CTNNA3: variants seen among roughly 807,000 people sequenced by gnomAD.
CTNNA3 encodes the protein catenin alpha-3.
In CTNNA3, 76 loss-of-function variants were observed where a neutral mutation model predicts 95.7. The ratio of observed to expected loss-of-function variants is 0.79; its 90% CI spans 0.66 to 0.96. CTNNA3 has a LOEUF of 0.96. CTNNA3 is among the 40% of genes least tolerant of loss of function. The probability of loss-of-function intolerance (pLI) is 0.00; values close to 1 mark genes in which losing one functional copy is unlikely to be tolerated. For synonymous variants in CTNNA3, 431 were observed against 374.4 expected (o/e 1.15, Z -1.74); for missense variants, 1,191 against 1,089.8 (o/e 1.09, Z -1.31).
intron 1 of CTNNA3, among the ~76,000 whole-genome samples, chr10:67,743,151 A>T (rs1006513234): frequency 1.3e-5 from 2 of 151,164 alleles, no homozygotes; most frequent in South Asian, 2.1e-4. Flanking sequence ...AACTCATTTT[A>T]TGAGGCCAGC....
intron 7 of CTNNA3, among the ~76,000 whole-genome samples, chr10:66,867,803 T>TA (rs1224557113): frequency 6.6e-6 from 1 of 151,310 alleles, no homozygotes; most frequent in African/African-American, 2.4e-5. Flanking sequence ...GATACACATT[T>TA]ACATTTAAAA....
chr10:67,671,203 C>T (rs1413696209), intron 1 of CTNNA3, among the ~76,000 whole-genome samples: 2 of 152,096 alleles, frequency 1.3e-5, no homozygotes, highest in African/African-American at 4.8e-5. Context: ...ATCAAAAGGA[C>T]ATCAGCATCC....
chr10:67,025,237 A>G (rs554220557), intron 7 of CTNNA3, among the ~76,000 whole-genome samples: 1 of 152,090 alleles, frequency 6.6e-6, no homozygotes, highest in South Asian at 2.1e-4. Context: ...CACTGAAAGT[A>G]ATTACCAAAG....
At chr10:67,518,018 T>C (rs1000186144) in intron 5 of CTNNA3, among the ~76,000 whole-genome samples, 4 of 152,188 alleles carry the variant, frequency 2.6e-5, no homozygotes, top group African/African-American at 9.6e-5. Flanking sequence ...TTAAGTCCTT[T>C]ATACATATTT....
At position 66,329,619 on chromosome 10, in the gene CTNNA3, A is replaced by G. The variant is rs371554502; in HGVS notation, c.1733-48998T>C. Among the ~76,000 whole-genome samples the G allele has an allele frequency of 4.5e-4, 68 of 152,152 alleles. 1 individual carries two copies. The South Asian group carries it at 0.014, about 31-fold the overall frequency. On this transcript the variant is annotated intron_variant, in intron 12 of 17. Coordinates refer to ENST00000433211, the MANE Select transcript of CTNNA3 (RefSeq NM_013266.4). ...TACTACAAAAGTACTATCGTATGTC[A>G]AAATAAAATGAAAGAATGAACGAAC...
chr10:66,742,660 C>T (rs905717153), intron 9 of CTNNA3, among the ~76,000 whole-genome samples: 6 of 152,184 alleles, frequency 3.9e-5, no homozygotes, highest in African/African-American at 1.4e-4. Flanking sequence ...CTTTATTTCT[C>T]AGACCGGCTG....
intron 5 of CTNNA3, among the ~76,000 whole-genome samples, chr10:67,520,513 G>C (rs904852599): frequency 2.6e-5 from 4 of 152,288 alleles, no homozygotes; most frequent in Non-Finnish European, 4.4e-5. Flanking sequence ...AGTGACTCTG[G>C]TGTGAACGCT....
At chr10:67,594,861 G>GT (rs1442322666) in intron 3 of CTNNA3, among the ~76,000 whole-genome samples, 3 of 152,038 alleles carry the variant, frequency 2.0e-5, no homozygotes, top group Non-Finnish European at 4.4e-5. Context: ...CCAGTTTGTA[G>GT]TTTTTTATCC....
At chr10:67,108,075 T>C (rs1056133459) in intron 7 of CTNNA3, among the ~76,000 whole-genome samples, 1 of 152,192 alleles carries the variant, frequency 6.6e-6, no homozygotes, top group South Asian at 2.1e-4. Context: ...CCTGCAACAA[T>C]AGCAAACAGA....
At chr10:67,741,687 C>T (rs1441047964) in intron 1 of CTNNA3, among the ~76,000 whole-genome samples, 5 of 151,118 alleles carry the variant, frequency 3.3e-5, no homozygotes, top group Admixed American at 6.6e-5. Flanking sequence ...GGGCTAAATG[C>T]TCCAATTAAA....
intron 1 of CTNNA3, among the ~76,000 whole-genome samples, chr10:67,690,764 G>T (rs1274119911): frequency 1.3e-5 from 2 of 152,144 alleles, no homozygotes; most frequent in Non-Finnish European, 2.9e-5. Flanking sequence ...CTTAAGCAAC[G>T]CTACTCAAAC....
chr10:66,844,091 T>C (rs1843165781), intron 7 of CTNNA3, among the ~76,000 whole-genome samples: 1 of 152,206 alleles, frequency 6.6e-6, no homozygotes, highest in Non-Finnish European at 1.5e-5. Flanking sequence ...TTCCAAGTAC[T>C]ACTGTTTGAA....
intron 7 of CTNNA3, among the ~76,000 whole-genome samples, chr10:67,006,075 T>C (rs890521947): frequency 6.6e-6 from 1 of 152,140 alleles, no homozygotes; most frequent in African/African-American, 2.4e-5. Flanking sequence ...TACCACCTGT[T>C]GAACAGTACA....
chr10:67,515,542 T>C (rs1001556138), intron 5 of CTNNA3, among the ~76,000 whole-genome samples: 1 of 152,326 alleles, frequency 6.6e-6, no homozygotes, highest in Non-Finnish European at 1.5e-5. Context: ...ACCTGTGCAA[T>C]AAATTTTTAA....
At chr10:65,928,245 G>A (rs898105337) in intron 17 of CTNNA3, among the ~76,000 whole-genome samples, 2 of 152,040 alleles carry the variant, frequency 1.3e-5, no homozygotes, top group Non-Finnish European at 2.9e-5. Context: ...TAGTCAAAAT[G>A]ATTTTCTTTT....
intron 15 of CTNNA3, among the ~76,000 whole-genome samples, chr10:66,005,440 T>C (rs559149935): frequency 3.2e-4 from 48 of 152,348 alleles, no homozygotes; most frequent in African/African-American, 1.1e-3. Flanking sequence ...ACATGACCTA[T>C]ATTATTCCAA....
intron 7 of CTNNA3, among the ~76,000 whole-genome samples, chr10:67,133,757 CAT>C (rs1465858435): frequency 1.3e-5 from 2 of 152,044 alleles, no homozygotes; most frequent in African/African-American, 4.8e-5. Context: ...AAAGACCTAA[CAT>C]GTAACCATAT....
chr10:67,236,552 C>T (rs1406514021), intron 5 of CTNNA3, among the ~76,000 whole-genome samples: 1 of 151,352 alleles, frequency 6.6e-6, no homozygotes, highest in African/African-American at 2.4e-5. Flanking sequence ...GGGAGATATA[C>T]CTAATGCTAG....
chr10:67,528,880 G>T (rs1484307490), intron 4 of CTNNA3, among the ~76,000 whole-genome samples: 1 of 152,056 alleles, frequency 6.6e-6, no homozygotes, highest in Non-Finnish European at 1.5e-5. Context: ...ATTTTACATG[G>T]TTTAAATTTG....
Sources: gnomAD v4.1 joint callset for allele counts (sites outside exome capture counted in the v4.1 genomes callset) on GRCh38, gnomAD v4.1.1 for gene constraint, MANE v1.5 for transcripts, NCBI Gene and HGNC (gene_info 2026-07-23, HGNC 2026-07-21) for gene names.